The following MCTP1 variants were observed in gnomAD, a reference collection of about 807,000 sequenced individuals.
The protein encoded by MCTP1 is multiple C2 and transmembrane domain containing 1.
MCTP1 carries 69 observed loss-of-function variants against 120.6 expected under a neutral mutation model. That is an observed-to-expected ratio of 0.57 (90% CI 0.47 to 0.70). MCTP1 has a LOEUF of 0.70. Among genes scored for constraint, MCTP1 ranks in the 30% least tolerant of loss-of-function variants. The pLI, the probability that MCTP1 is intolerant of heterozygous loss-of-function variation, is 0.00. For missense variants in MCTP1, 1,203 were observed against 1,248.8 expected (o/e 0.96, Z 0.55); for synonymous variants, 529 against 493.1 (o/e 1.07, Z -0.96).
intron 1 of MCTP1, among the ~76,000 whole-genome samples, chr5:95,080,290 A>C (rs1477539458): frequency 1.3e-5 from 2 of 152,186 alleles, no homozygotes; most frequent in African/African-American, 4.8e-5. Flanking sequence ...TTTGATAATC[A>C]TTCCACAAAT....
At chr5:95,046,539 A>C (rs901666040) in intron 1 of MCTP1, among the ~76,000 whole-genome samples, 1 of 152,166 alleles carries the variant, frequency 6.6e-6, no homozygotes, top group African/African-American at 2.4e-5. Context: ...AGGACTAAAA[A>C]TTAAATGAAT....
intron 7 of MCTP1, among the ~76,000 whole-genome samples, chr5:94,919,637 T>C (rs75528188): frequency 0.015 from 2,297 of 152,270 alleles, 72 homozygotes; most frequent in African/African-American, 0.053. Context: ...TTTTATTTAA[T>C]CAAATGATCC....
intron 1 of MCTP1, among the ~76,000 whole-genome samples, chr5:95,202,266 C>T (rs1751149702): frequency 6.6e-6 from 1 of 152,206 alleles, no homozygotes. Context: ...GCTGTCTGAC[C>T]TTTGAACTGT....
chr5:95,142,700 G>A (rs555063194), intron 1 of MCTP1, among the ~76,000 whole-genome samples: 24 of 152,162 alleles, frequency 1.6e-4, no homozygotes, highest in African/African-American at 5.3e-4. Context: ...CACCATCTAC[G>A]GGAATAGAAT....
At chr5:95,117,611 C>T (rs1448097516) in intron 1 of MCTP1, among the ~76,000 whole-genome samples, 1 of 152,118 alleles carries the variant, frequency 6.6e-6, no homozygotes, top group East Asian at 1.9e-4. Flanking sequence ...GTAGCAATTC[C>T]TCAAAGATCT....
chr5:94,846,667 G>A (rs1305241868), intron 17 of MCTP1, among the ~76,000 whole-genome samples: 2 of 152,034 alleles, frequency 1.3e-5, no homozygotes, highest in Non-Finnish European at 2.9e-5. Flanking sequence ...TTTTAAAAAA[G>A]AATAACCTGA....
At chr5:95,198,650 T>A (rs1299658168) in intron 1 of MCTP1, among the ~76,000 whole-genome samples, 1 of 152,206 alleles carries the variant, frequency 6.6e-6, no homozygotes, top group African/African-American at 2.4e-5. Context: ...CTTTTCCCGC[T>A]TTTAAAAGAA....
chr5:94,973,755 C>T (rs1251717988), intron 2 of MCTP1, among the ~76,000 whole-genome samples: 1 of 151,990 alleles, frequency 6.6e-6, no homozygotes, highest in Non-Finnish European at 1.5e-5. Flanking sequence ...TATGAGATTG[C>T]TTAGTATATT....
chr5:94,877,707 G>C (rs1799216018), intron 12 of MCTP1: 1 of 152,174 alleles, frequency 6.6e-6, no homozygotes. Flanking sequence ...CTGTGGGAAA[G>C]TCTGTACCGC....
intron 7 of MCTP1, among the ~76,000 whole-genome samples, chr5:94,920,525 G>A (rs1248734025): frequency 2.6e-5 from 4 of 151,780 alleles, no homozygotes; most frequent in African/African-American, 2.4e-5. Flanking sequence ...GGCAGATCAC[G>A]AGGTCAGGAG....
At position 94,854,297 on chromosome 5, in the gene MCTP1, G is replaced by T. The variant is rs570891014; in HGVS notation, c.2436+14036C>A. 4.6e-5 allele frequency among the ~76,000 whole-genome samples: 7 copies of T among 151,920 alleles called. No individual in the cohort carries two copies. The East Asian group carries it at 1.2e-3, about 25-fold the overall frequency. On this transcript the variant is annotated intron_variant, in intron 17 of 22. Transcript: ENST00000515393. Reference sequence around the variant, plus strand: ...CTCTAACAGCTTGTTTGAGGTACGGGTCATGAATTTTGCTTGAGGTGGGGA... The same window carrying T: ...CTCTAACAGCTTGTTTGAGGTACGGTTCATGAATTTTGCTTGAGGTGGGGA...
At chr5:95,000,738 C>A (rs530661503) in intron 2 of MCTP1, among the ~76,000 whole-genome samples, 1 of 151,976 alleles carries the variant, frequency 6.6e-6, no homozygotes, top group African/African-American at 2.4e-5. Context: ...TTACAATGAG[C>A]AAAGATTTAT....
chr5:95,151,129 T>TTATATATA (rs1760856091), intron 1 of MCTP1, among the ~76,000 whole-genome samples: 1 of 61,478 alleles, frequency 1.6e-5, no homozygotes, highest in South Asian at 7.5e-4. Context: ...CACGCCTGGC[T>TTATATATA]CATATATATA....
intron 1 of MCTP1, among the ~76,000 whole-genome samples, chr5:95,166,814 G>A (rs1415464485): frequency 2.0e-5 from 3 of 151,754 alleles, no homozygotes; most frequent in Non-Finnish European, 2.9e-5. Flanking sequence ...TGATCCGCCC[G>A]CCTCAGCCTC....
At chr5:94,892,235 G>A (rs756858207) in intron 11 of MCTP1, among the ~76,000 whole-genome samples, 4 of 152,052 alleles carry the variant, frequency 2.6e-5, no homozygotes, top group Admixed American at 1.3e-4. Flanking sequence ...TCTTAGAACC[G>A]CTCACCTTTT....
chr5:95,013,614 T>G (rs1283110907), intron 2 of MCTP1, among the ~76,000 whole-genome samples: 1 of 152,160 alleles, frequency 6.6e-6, no homozygotes, highest in African/African-American at 2.4e-5. Flanking sequence ...AAAGCCTGGA[T>G]GACAGCATAT....
At chr5:95,154,692 C>A (rs1170353092) in intron 1 of MCTP1, among the ~76,000 whole-genome samples, 1 of 152,068 alleles carries the variant, frequency 6.6e-6, no homozygotes, top group Non-Finnish European at 1.5e-5. Flanking sequence ...AAAATGCCTA[C>A]ATGAACTGAT....
chr5:94,704,787 TGATTGATTGATTGATAGGTTCTGTA>T lies in MCTP1; in HGVS notation c.*2684_*2708del, dbSNP rs1754153436. On this transcript the variant is annotated 3_prime_UTR_variant, in exon 23 of 23. Transcript: ENST00000515393. ...TAGTGCATATAGAATGTTCAAAAAC[TGATTGATTGATTGATAGGTTCTGTA>T]GGAATTCCAGTTTTTGAACATTCTA... is the stretch of plus-strand genomic sequence containing the variant. 6.7e-6 allele frequency: 1 copy of T among 150,370 alleles called. No individual in the cohort carries two copies. The highest frequency in any genetic ancestry group is 1.5e-5 in the Non-Finnish European group (1 of 67,304). 9.3% of individuals were successfully genotyped at this position (150,370 alleles called of 1,614,324 possible).
intron 5 of MCTP1, among the ~76,000 whole-genome samples, chr5:94,933,189 CT>C (rs879663688): frequency 1.0e-3 from 153 of 148,482 alleles, no homozygotes; most frequent in East Asian, 4.9e-3. Flanking sequence ...ATCACGCCTA[CT>C]TTTTTTTTTA....
Sources: gnomAD v4.1 joint callset for allele counts (sites outside exome capture counted in the v4.1 genomes callset) on GRCh38, gnomAD v4.1.1 for gene constraint, MANE v1.5 for transcripts, NCBI Gene and HGNC (gene_info 2026-07-23, HGNC 2026-07-21) for gene names.